TANC1: variants seen among roughly 807,000 people sequenced by gnomAD.
The protein encoded by TANC1 is tetratricopeptide repeat, ankyrin repeat and coiled-coil containing 1, also known as protein TANC1.
TANC1 carries 77 observed loss-of-function variants against 149.7 expected under a neutral mutation model. The ratio of observed to expected loss-of-function variants is 0.51; its 90% CI spans 0.43 to 0.62. The LOEUF (loss-of-function observed/expected upper bound fraction) is 0.62. Among genes scored for constraint, TANC1 ranks in the 20% least tolerant of loss-of-function variants. TANC1 has a pLI of 0.00. For synonymous variants in TANC1, 854 were observed against 925.0 expected, an observed-to-expected ratio of 0.92 and a Z score of 1.39; for missense variants, 1,985 against 2,321.8, an observed-to-expected ratio of 0.85 and a Z score of 2.98.
intron 25 of TANC1, 65 bp downstream of exon 25, chr2:159,228,030 G>C (rs2060122876): frequency 3.9e-6 from 6 of 1,552,038 alleles, no homozygotes; most frequent in African/African-American, 1.4e-5. Flanking sequence ...AGCAGTGAAG[G>C]CCAGCCCTTC....
At chr2:159,226,658 G>T (rs1184364285) in intron 24 of TANC1, 1 of 152,146 alleles carries the variant, frequency 6.6e-6, no homozygotes, top group East Asian at 1.9e-4. Context: ...ATGATTTACA[G>T]ATCAATAAAC....
chr2:159,026,145 A>G (rs912090304), intron 2 of TANC1, among the ~76,000 whole-genome samples: 5 of 152,156 alleles, frequency 3.3e-5, no homozygotes, highest in African/African-American at 1.2e-4. Context: ...GTTGCCCAGC[A>G]TGGTCTTGAA....
At chr2:159,192,672 C>T (rs1269050970) in intron 16 of TANC1, among the ~76,000 whole-genome samples, 2 of 152,102 alleles carry the variant, frequency 1.3e-5, no homozygotes, top group African/African-American at 2.4e-5. Flanking sequence ...GCTTTTGAGA[C>T]GGAGTCTTGC....
rs2036406535 is a variant in TANC1 at position 158,999,172 on chromosome 2, T to A, written c.-125-1908T>A. Among the ~76,000 whole-genome samples, 3 of 152,024 alleles carry A rather than the reference T, an allele frequency of 2.0e-5. No homozygotes were observed. The South Asian group carries it at 6.2e-4, about 32-fold the overall frequency. On this transcript the variant is annotated intron_variant, in intron 1 of 26. Coordinates refer to ENST00000263635, the MANE Select transcript of TANC1 (RefSeq NM_033394.3). ...GTCAGATAGGAAGTTTCTGAGGAGG[T>A]CAGAGTGATGTAATGGTGTGCACAA...
intron 13 of TANC1, among the ~76,000 whole-genome samples, chr2:159,178,323 G>T (rs2056100224): frequency 6.6e-6 from 1 of 152,186 alleles, no homozygotes; most frequent in African/African-American, 2.4e-5. Flanking sequence ...CAGGGTCCTT[G>T]GATGAGGGCC....
chr2:159,218,539 G>A (rs929984925), intron 20 of TANC1, among the ~76,000 whole-genome samples: 10 of 152,216 alleles, frequency 6.6e-5, no homozygotes, highest in African/African-American at 1.2e-4. Context: ...CTGTTGCTGC[G>A]GCCATGTAAC....
intron 3 of TANC1, among the ~76,000 whole-genome samples, chr2:159,094,622 G>T (rs970448911): frequency 6.6e-6 from 1 of 152,180 alleles, no homozygotes; most frequent in African/African-American, 2.4e-5. Context: ...GGGAAAACTC[G>T]TGACCTGGCC....
intron 4 of TANC1, among the ~76,000 whole-genome samples, chr2:159,112,932 A>G (rs1375640383): frequency 6.6e-6 from 1 of 150,902 alleles, no homozygotes; most frequent in Non-Finnish European, 1.5e-5. Context: ...TTTTCTTTTT[A>G]AACTTATGGC....
intron 3 of TANC1, among the ~76,000 whole-genome samples, chr2:159,082,469 A>G (rs2044376808): frequency 6.6e-6 from 1 of 151,500 alleles, no homozygotes. Context: ...TTTCTATACC[A>G]TTTTGGCTTG....
intron 2 of TANC1, among the ~76,000 whole-genome samples, chr2:159,031,757 G>C (rs1486412775): frequency 6.6e-6 from 1 of 152,172 alleles, no homozygotes; most frequent in East Asian, 1.9e-4. Context: ...AATGATTAAA[G>C]ATATGTGAGG....
intron 26 of TANC1, among the ~76,000 whole-genome samples, chr2:159,229,190 A>G (rs923321735): frequency 6.6e-6 from 1 of 152,126 alleles, no homozygotes; most frequent in South Asian, 2.1e-4. Flanking sequence ...TATTTCAAGG[A>G]AACTGCCAAC....
chr2:159,185,738 C>G lies in TANC1; in HGVS notation c.2511-53C>G, dbSNP rs144858363. ...GGGTGGTGAATTGAGGGTGGGTCTG[C>G]GGTGTGGTGGAATGGGCTCTTCTGC... On this transcript the variant is annotated intron_variant, in intron 14 of 26. Coordinates refer to ENST00000263635, the MANE Select transcript of TANC1 (RefSeq NM_033394.3). 6.2e-4 allele frequency: 773 copies of G among 1,252,550 alleles called. 3 individuals carry two copies. The African/African-American group carries it at 9.1e-3, about 15-fold the overall frequency. 77.6% of individuals were successfully genotyped at this position (1,252,550 alleles called of 1,614,324 possible). A position where few individuals can be genotyped will look rare whatever the true frequency, so the allele number is the denominator to read the frequency against.
intron 3 of TANC1, among the ~76,000 whole-genome samples, chr2:159,083,042 T>C (rs2044443759): frequency 6.6e-6 from 1 of 152,096 alleles, no homozygotes; most frequent in African/African-American, 2.4e-5. Flanking sequence ...ACCACCTGGG[T>C]TCAAGTGATT....
intron 2 of TANC1, among the ~76,000 whole-genome samples, chr2:159,033,114 C>A (rs1287915249): frequency 1.3e-5 from 2 of 152,092 alleles, no homozygotes; most frequent in Non-Finnish European, 2.9e-5. Context: ...TGTCATGGAG[C>A]CTGCCATCAA....
intron 5 of TANC1, among the ~76,000 whole-genome samples, chr2:159,142,528 T>G (rs1241113068): frequency 6.6e-6 from 1 of 152,200 alleles, no homozygotes; most frequent in Non-Finnish European, 1.5e-5. Flanking sequence ...AGACCCATCT[T>G]TTTAATATTC....
intron 4 of TANC1, among the ~76,000 whole-genome samples, chr2:159,112,555 C>CTT (rs34643604): frequency 0.09 from 11,725 of 129,916 alleles, 677 homozygotes; most frequent in Middle Eastern, 0.11. Context: ...TGCACCCAGC[C>CTT]TTTTTTTTTT....
At chr2:159,012,521 T>C (rs1036205051) in intron 2 of TANC1, among the ~76,000 whole-genome samples, 1 of 152,050 alleles carries the variant, frequency 6.6e-6, no homozygotes, top group African/African-American at 2.4e-5. Context: ...GGTTGAAGTC[T>C]CTGCCACACA....
intron 5 of TANC1, among the ~76,000 whole-genome samples, chr2:159,143,672 G>A (rs1358432424): frequency 6.7e-6 from 1 of 149,028 alleles, no homozygotes; most frequent in Non-Finnish European, 1.5e-5. Flanking sequence ...TCCCAATTAT[G>A]TATCTGTCTG....
At chr2:159,228,713 A>T in intron 25 of TANC1, 83 bp from the exon 26 acceptor site, 1 of 958,262 alleles carries the variant, frequency 1.0e-6, no homozygotes, top group Non-Finnish European at 1.7e-6. Flanking sequence ...GAGCGCTGCT[A>T]CCCTTTAGAA....
Sources: gnomAD v4.1 joint callset for allele counts (sites outside exome capture counted in the v4.1 genomes callset) on GRCh38, gnomAD v4.1.1 for gene constraint, MANE v1.5 for transcripts, NCBI Gene and HGNC (gene_info 2026-07-23, HGNC 2026-07-21) for gene names.